ZNF521: variants seen among roughly 807,000 people sequenced by gnomAD.
ZNF521 encodes LYST-interacting protein 3.
In ZNF521, 14 loss-of-function variants were observed where a neutral mutation model predicts 105.5. The observed-to-expected ratio is 0.13, with a 90% CI of 0.09 to 0.21. The LOEUF (loss-of-function observed/expected upper bound fraction) is 0.21, where lower values mean the gene tolerates loss of function less well. Among genes scored for constraint, ZNF521 ranks in the 10% least tolerant of loss-of-function variants. The probability of loss-of-function intolerance (pLI) is 1.00; values close to 1 mark genes in which losing one functional copy is unlikely to be tolerated. For missense variants in ZNF521, 1,233 were observed against 1,629.7 expected, an observed-to-expected ratio of 0.76 and a Z score of 4.19; for synonymous variants, 635 against 606.0, an observed-to-expected ratio of 1.05 and a Z score of -0.70.
intron 5 of ZNF521, among the ~76,000 whole-genome samples, chr18:25,122,691 T>A (rs1475843596): frequency 6.6e-6 from 1 of 152,092 alleles, no homozygotes; most frequent in Non-Finnish European, 1.5e-5. Context: ...ATGTCTCACT[T>A]CTCCCTCTGA....
chr18:25,147,804 T>G (rs143116681), intron 5 of ZNF521, among the ~76,000 whole-genome samples: 1 of 152,304 alleles, frequency 6.6e-6, no homozygotes, highest in East Asian at 1.9e-4. Flanking sequence ...TTTATAATCT[T>G]TCGTGCAGAA....
chr18:25,316,383 A>G (rs1448953676), intron 3 of ZNF521, among the ~76,000 whole-genome samples: 2 of 136,136 alleles, frequency 1.5e-5, no homozygotes, highest in African/African-American at 5.6e-5. Context: ...AAAAAAATGT[A>G]TATATAAAAA....
At chr18:25,206,379 C>G (rs2036080823) in intron 4 of ZNF521, among the ~76,000 whole-genome samples, 1 of 152,096 alleles carries the variant, frequency 6.6e-6, no homozygotes, top group East Asian at 1.9e-4. Flanking sequence ...ATGACTCATA[C>G]CTGTTCACTG....
intron 3 of ZNF521, among the ~76,000 whole-genome samples, chr18:25,264,850 G>A (rs113282189): frequency 0.011 from 1,671 of 152,208 alleles, 31 homozygotes; most frequent in African/African-American, 0.039. Flanking sequence ...AAAGCTTCAG[G>A]AAGGAGGAGA....
At chr18:25,350,818 C>T (rs1914716050) in intron 2 of ZNF521, 89 bp downstream of exon 2, 2 of 1,443,574 alleles carry the variant, frequency 1.4e-6, no homozygotes, top group African/African-American at 1.5e-5. Context: ...CACGCGCGCA[C>T]ACGCCTCGCA....
intron 5 of ZNF521, among the ~76,000 whole-genome samples, chr18:25,174,724 G>A (rs2035506302): frequency 6.6e-6 from 1 of 152,204 alleles, no homozygotes; most frequent in Non-Finnish European, 1.5e-5. Context: ...TAAAATTGCA[G>A]TCAAGGCTCA....
intron 5 of ZNF521, among the ~76,000 whole-genome samples, chr18:25,126,371 C>T (rs1437876455): frequency 2.3e-5 from 2 of 87,586 alleles, no homozygotes; most frequent in African/African-American, 5.6e-5. Flanking sequence ...GCAATATCTA[C>T]TCTGTGTTCT....
chr18:25,189,086 T>G (rs754401906), intron 5 of ZNF521, among the ~76,000 whole-genome samples: 1 of 152,192 alleles, frequency 6.6e-6, no homozygotes, highest in Non-Finnish European at 1.5e-5. Flanking sequence ...ACCTGAAGAC[T>G]TTATCCCAGG....
chr18:25,133,851 T>C (rs886631034), intron 5 of ZNF521, among the ~76,000 whole-genome samples: 4 of 152,104 alleles, frequency 2.6e-5, no homozygotes. Context: ...GGGTATAATG[T>C]GTAGACTTAT....
intron 1 of ZNF521, 59 bp from the exon 2 acceptor site, chr18:25,351,006 G>C (rs967842004): frequency 5.0e-6 from 7 of 1,408,734 alleles, no homozygotes; most frequent in South Asian, 4.2e-5. Context: ...ATACTTCCTC[G>C]TGGCCGCGCG....
chr18:25,116,905 ATATATACGTATATCTATG>A (rs1191948775), intron 5 of ZNF521, among the ~76,000 whole-genome samples: 4 of 139,710 alleles, frequency 2.9e-5, no homozygotes, highest in Non-Finnish European at 4.5e-5. Context: ...ATATATGTGT[ATATATACGTATATCTATG>A]TATATATATA....
intron 4 of ZNF521, among the ~76,000 whole-genome samples, chr18:25,212,338 T>C (rs558710020): frequency 1.9e-4 from 28 of 150,512 alleles, no homozygotes; most frequent in Admixed American, 9.9e-4. Context: ...AGTGAAACCC[T>C]GTCTCTACTA....
At chr18:25,219,352 G>C (rs1672462191) in intron 4 of ZNF521, among the ~76,000 whole-genome samples, 1 of 152,152 alleles carries the variant, frequency 6.6e-6, no homozygotes, top group Non-Finnish European at 1.5e-5. Context: ...AAGTGACTGA[G>C]AAGATCGATG....
intron 5 of ZNF521, among the ~76,000 whole-genome samples, chr18:25,132,969 T>C (rs1051648849): frequency 6.6e-6 from 1 of 152,172 alleles, no homozygotes; most frequent in African/African-American, 2.4e-5. Flanking sequence ...GCAGGACATG[T>C]GTGCGGCATC....
At chr18:25,255,871 C>G (rs1483053357) in intron 3 of ZNF521, among the ~76,000 whole-genome samples, 1 of 151,188 alleles carries the variant, frequency 6.6e-6, no homozygotes, top group African/African-American at 2.4e-5. Context: ...TCAGAAGAAC[C>G]AAGAGGCAGA....
chr18:25,063,699 G>A (rs2032973398), intron 7 of ZNF521, among the ~76,000 whole-genome samples: 1 of 152,138 alleles, frequency 6.6e-6, no homozygotes, highest in Non-Finnish European at 1.5e-5. Flanking sequence ...ACCAGGCCTG[G>A]ATGATGGTCA....
chr18:25,266,744 T>G (rs1009418652), intron 3 of ZNF521, among the ~76,000 whole-genome samples: 1 of 152,170 alleles, frequency 6.6e-6, no homozygotes, highest in African/African-American at 2.4e-5. Context: ...TCCCACGGTC[T>G]TCACAACCCA....
chr18:25,246,732 G>A (rs1317123878), intron 3 of ZNF521, among the ~76,000 whole-genome samples: 1 of 152,154 alleles, frequency 6.6e-6, no homozygotes, highest in African/African-American at 2.4e-5. Flanking sequence ...TGTGAGCATT[G>A]ATTTCCTTTC....
At chr18:25,109,967 C>A (rs913983260) in intron 5 of ZNF521, among the ~76,000 whole-genome samples, 1 of 152,126 alleles carries the variant, frequency 6.6e-6, no homozygotes, top group Non-Finnish European at 1.5e-5. Context: ...TTGAACTATA[C>A]CAAGTGTTTT....
Sources: gnomAD v4.1 joint callset for allele counts (sites outside exome capture counted in the v4.1 genomes callset) on GRCh38, gnomAD v4.1.1 for gene constraint, MANE v1.5 for transcripts, NCBI Gene and HGNC (gene_info 2026-07-23, HGNC 2026-07-21) for gene names.